The following SUMF1 variants were observed in gnomAD, a reference collection of about 807,000 sequenced individuals.
SUMF1 encodes sulfatase modifying factor 1.
A neutral mutation model predicts 47.6 loss-of-function variants in SUMF1; 48 were observed. The ratio of observed to expected loss-of-function variants is 1.01; its 90% confidence interval spans 0.80 to 1.28. SUMF1 has a LOEUF of 1.28. Among genes scored for constraint, SUMF1 ranks in the 50% most tolerant of loss-of-function variants. The pLI, the probability that SUMF1 is intolerant of heterozygous loss-of-function variation, is 0.00. For synonymous variants in SUMF1, 230 were observed against 192.1 expected, an observed-to-expected ratio of 1.20 and a Z score of -1.63; for missense variants, 571 against 485.4, an observed-to-expected ratio of 1.18 and a Z score of -1.66.
chr3:4,249,259 A>G (rs1214232574), intron 8 of SUMF1, among the ~76,000 whole-genome samples: 1 of 152,170 alleles, frequency 6.6e-6, no homozygotes, highest in Non-Finnish European at 1.5e-5. Context: ...ACCAAATATA[A>G]TATACAGACA....
chr3:4,193,224 T>C (rs542261918), intron 8 of SUMF1, among the ~76,000 whole-genome samples: 9 of 152,046 alleles, frequency 5.9e-5, no homozygotes, highest in Admixed American at 1.3e-4. Flanking sequence ...TTTATTTTAT[T>C]TTTAATTTAT....
chr3:4,249,563 G>T (rs550188393), intron 8 of SUMF1, among the ~76,000 whole-genome samples: 1 of 152,208 alleles, frequency 6.6e-6, no homozygotes, highest in South Asian at 2.1e-4. Flanking sequence ...ATAAATGTTT[G>T]TGTTCTGACT....
chr3:4,462,686 TC>T (rs1197375786), intron 1 of SUMF1, among the ~76,000 whole-genome samples: 1 of 152,082 alleles, frequency 6.6e-6, no homozygotes, highest in Non-Finnish European at 1.5e-5. Flanking sequence ...TTGTTCTGAG[TC>T]CCCTCTAATA....
chr3:4,274,880 A>G (rs1242999338), intron 8 of SUMF1, among the ~76,000 whole-genome samples: 1 of 152,202 alleles, frequency 6.6e-6, no homozygotes, highest in East Asian at 1.9e-4. Context: ...TAGGGTCAAA[A>G]TATTTATTAC....
At chr3:4,408,048 G>T (rs867845955) in intron 7 of SUMF1, among the ~76,000 whole-genome samples, 1 of 152,176 alleles carries the variant, frequency 6.6e-6, no homozygotes, top group South Asian at 2.1e-4. Context: ...CCTTTCCAGA[G>T]ACACATCACA....
downstream of SUMF1, among the ~76,000 whole-genome samples, chr3:4,360,636 A>C (rs965787526): frequency 3.3e-5 from 5 of 152,202 alleles, no homozygotes; most frequent in African/African-American, 1.2e-4. Flanking sequence ...CCTGGCCTAC[A>C]TGACTGCTTT....
At chr3:4,232,106 G>C (rs867614062) in intron 8 of SUMF1, among the ~76,000 whole-genome samples, 12 of 152,066 alleles carry the variant, frequency 7.9e-5, no homozygotes, top group Admixed American at 5.9e-4. Context: ...ACCAGACTCA[G>C]CATATGCATC....
rs1694445104 is a variant in SUMF1 at position 4,156,021 on chromosome 3, G to A, written c.1015-87276C>T. ...TAGTTAGGAATTTTGTTTTTCATCT[G>A]AAAGTAAGAAAGAAACCTTGCACAC... On this transcript the variant is annotated intron_variant and NMD_transcript_variant, in intron 8 of 12. Coordinates refer to the SUMF1 transcript ENST00000448413. Among the ~76,000 whole-genome samples, 3 of 151,246 alleles carry A rather than the reference G, an allele frequency of 2.0e-5. No homozygotes were observed. The South Asian group carries it at 6.2e-4, about 31-fold the overall frequency.
chr3:4,314,269 AC>A (rs1698545687), intron 8 of SUMF1: 1 of 155,652 alleles, frequency 6.4e-6, no homozygotes, highest in African/African-American at 2.4e-5. Context: ...TGCTTAAGTC[AC>A]TGTTATTGTA....
intron 8 of SUMF1, among the ~76,000 whole-genome samples, chr3:4,139,648 G>A (rs186307023): frequency 2.8e-4 from 43 of 151,364 alleles, no homozygotes; most frequent in African/African-American, 9.0e-4. Flanking sequence ...ACCAGGGCAC[G>A]ACTGATTTTA....
At chr3:4,341,415 G>C (rs921044511) in intron 8 of SUMF1, among the ~76,000 whole-genome samples, 3 of 152,058 alleles carry the variant, frequency 2.0e-5, no homozygotes, top group African/African-American at 7.2e-5. Flanking sequence ...GCTTTAACTT[G>C]TAAGATTTAG....
intron 8 of SUMF1, among the ~76,000 whole-genome samples, chr3:4,342,582 G>A (rs1202751808): frequency 6.6e-6 from 1 of 152,118 alleles, no homozygotes; most frequent in African/African-American, 2.4e-5. Flanking sequence ...TCACTCCTCA[G>A]TTTTATATGG....
intron 8 of SUMF1, among the ~76,000 whole-genome samples, chr3:4,253,069 ATATGT>A (rs1330547802): frequency 6.6e-6 from 1 of 152,168 alleles, no homozygotes; most frequent in Non-Finnish European, 1.5e-5. Context: ...AAATCTAGCT[ATATGT>A]TATATGTACA....
chr3:4,082,856 C>G (rs1692596619), intron 8 of SUMF1, among the ~76,000 whole-genome samples: 1 of 151,974 alleles, frequency 6.6e-6, no homozygotes, highest in Non-Finnish European at 1.5e-5. Flanking sequence ...TCAAAACAGG[C>G]TAAGTTAAGT....
chr3:4,114,901 G>T (rs936085297), intron 8 of SUMF1, among the ~76,000 whole-genome samples: 1 of 152,110 alleles, frequency 6.6e-6, no homozygotes, highest in African/African-American at 2.4e-5. Flanking sequence ...TAGTCCTTGT[G>T]ATATGGGAAG....
intron 8 of SUMF1, chr3:4,303,671 C>G (rs1019291341): frequency 6.7e-7 from 1 of 1,486,020 alleles, no homozygotes; most frequent in African/African-American, 1.4e-5. Context: ...AATAGGTGTG[C>G]ATGCCCCGGC....
rs530050221 is a variant in SUMF1, at chr3:4,391,170, G to A, written c.955-14781C>T. On this transcript the variant is annotated intron_variant, in intron 7 of 8. Transcript: ENST00000272902. ...ATTGTTGCCCTGTATGTGATGAACT[G>A]TTTTCCTCTTGTTATTTTCAAGATT... Among the ~76,000 whole-genome samples the A allele has an allele frequency of 2.0e-5, 3 of 152,196 alleles. No individual in the cohort carries two copies. In the East Asian group the frequency reaches 5.8e-4, roughly 29 times the overall value.
chr3:4,326,328 C>G (rs1281791505), intron 8 of SUMF1, among the ~76,000 whole-genome samples: 2 of 152,068 alleles, frequency 1.3e-5, no homozygotes, highest in African/African-American at 4.8e-5. Context: ...TCAGATTAGA[C>G]TTTTAAAGCT....
chr3:4,323,555 A>G (rs1473730701), intron 8 of SUMF1, among the ~76,000 whole-genome samples: 3 of 152,172 alleles, frequency 2.0e-5, no homozygotes, highest in Admixed American at 2.0e-4. Flanking sequence ...TAAAGATATT[A>G]TAAGAAAAAG....
Sources: allele counts gnomAD v4.1 joint callset (sites outside exome capture counted in the v4.1 genomes callset), GRCh38; gene constraint gnomAD v4.1.1; transcripts MANE v1.5; gene names NCBI Gene and HGNC (gene_info 2026-07-23, HGNC 2026-07-21).